The following TUBGCP5 variants were observed in gnomAD, a reference collection of about 807,000 sequenced individuals.
TUBGCP5 encodes gamma-tubulin complex component 5.
Under a neutral mutation model 134.7 loss-of-function variants are expected in TUBGCP5, and 98 were observed. That is an observed-to-expected ratio of 0.73 (90% CI 0.62 to 0.86). TUBGCP5 has a LOEUF of 0.86. Ranked by LOEUF, TUBGCP5 falls within the 40% of genes least tolerant of loss-of-function variation. The pLI, the probability that TUBGCP5 is intolerant of heterozygous loss-of-function variation, is 0.00. For synonymous variants in TUBGCP5, 456 were observed against 431.4 expected (o/e 1.06, Z -0.71); for missense variants, 1,150 against 1,244.8 (o/e 0.92, Z 1.15).
chr15:23,026,003 G>A (rs2065961416), intron 8 of TUBGCP5, 113 bp downstream of exon 8: 2 of 744,122 alleles, frequency 2.7e-6, no homozygotes, highest in Admixed American at 3.1e-5. Context: ...CACACCTAAT[G>A]GACCTTTTCT....
intron 19 of TUBGCP5, 37 bp from the exon 20 acceptor site, chr15:23,004,264 T>G: frequency 6.2e-7 from 1 of 1,600,320 alleles, no homozygotes; most frequent in South Asian, 1.1e-5. Context: ...ATCAGCAGCC[T>G]TCTTTGAGGA....
intron 3 of TUBGCP5, among the ~76,000 whole-genome samples, 153 bp downstream of exon 3, chr15:23,036,744 T>C (rs773468606): frequency 3.3e-5 from 5 of 152,210 alleles, no homozygotes; most frequent in African/African-American, 4.8e-5. Flanking sequence ...CATATCTGGT[T>C]TGATGGCAAT....
In TUBGCP5 at chr15:23,019,243, C is replaced by T. The variant is rs750978091; in HGVS notation, c.1463G>A (p.Gly488Asp). Residue 488 changes from glycine (G) to aspartate (D), a missense_variant, in exon 12 of 23, where the codon GGC becomes GAC. Around this residue, in one of 2 missense-constraint regions of TUBGCP5, gnomAD observed 697 missense variants for 850.1 expected, o/e 0.82. Coordinates refer to ENST00000615383, the MANE Select transcript of TUBGCP5 (RefSeq NM_052903.6). The part of the protein sequence containing the change: ...EWIVHGHLWD[G>D]AREFIIQRNK... ...CCTCTGGATGATGAACTCCCTGGCGCCATCCCACAGGTGCCCGTGCACGAT... is the reference window on the plus strand; with the variant it reads ...CCTCTGGATGATGAACTCCCTGGCGTCATCCCACAGGTGCCCGTGCACGAT... 6.2e-7 allele frequency: 1 copy of T among 1,613,842 alleles called. No homozygotes were observed. Among genetic ancestry groups the T allele is most frequent in the Non-Finnish European group, 8.5e-7 (1 of 1,179,844 alleles).
At chr15:23,020,021 G>A (rs1180317049) in intron 11 of TUBGCP5, among the ~76,000 whole-genome samples, 1 of 152,070 alleles carries the variant, frequency 6.6e-6, no homozygotes, top group Non-Finnish European at 1.5e-5. Flanking sequence ...GCTCACGCCT[G>A]TAACCCCAGC....
chr15:23,024,066 G>C lies in TUBGCP5; in HGVS notation c.1049C>G (p.Pro350Arg). The C allele has an allele frequency of 6.2e-7, 1 of 1,614,130 alleles. No homozygotes were observed. Among genetic ancestry groups the C allele is most frequent in the Non-Finnish European group, 8.5e-7 (1 of 1,180,004 alleles). Residue 350 changes from proline to arginine, a missense_variant, in exon 10 of 23, where the codon CCT becomes CGT. Coordinates refer to ENST00000615383, the MANE Select transcript of TUBGCP5 (RefSeq NM_052903.6). Reference protein sequence around the residue: ...ESMLPGSGSVPKKSTEAPFRT... With the variant: ...ESMLPGSGSVRKKSTEAPFRT... Reference sequence around the variant, plus strand: ...AAAGGGAGCTTCAGTTGACTTCTTAGGAACAGACCCACTTCCAGGCAGCAT... The same window carrying C: ...AAAGGGAGCTTCAGTTGACTTCTTACGAACAGACCCACTTCCAGGCAGCAT...
chr15:23,028,922 A>C (rs1262832396), intron 6 of TUBGCP5, among the ~76,000 whole-genome samples: 2 of 152,212 alleles, frequency 1.3e-5, no homozygotes, highest in East Asian at 1.9e-4. Context: ...ATGAATCAAC[A>C]AACTATTATG....
At chr15:23,028,523 A>C (rs536853966) in intron 6 of TUBGCP5, among the ~76,000 whole-genome samples, 1 of 152,316 alleles carries the variant, frequency 6.6e-6, no homozygotes, top group East Asian at 1.9e-4. Flanking sequence ...ATTAGGATAA[A>C]AGAGAAAAGT....
intron 13 of TUBGCP5, among the ~76,000 whole-genome samples, chr15:23,017,351 T>G (rs772195365): frequency 3.9e-5 from 6 of 152,048 alleles, no homozygotes; most frequent in Non-Finnish European, 7.4e-5. Context: ...AAGTAGTAAA[T>G]GTTTGAGATG....
Position 23,016,969 on chromosome 15 carries a change from G to GAGATATATATATAT in TUBGCP5, c.1756+803_1756+804insATATATATATATCT, listed in dbSNP as rs1555439437. ...AGATGAATGGGTAAAAAAATTGTGA[G>GAGATATATATATAT]ATATATATATATATATATGTATATA... On this transcript the variant is annotated intron_variant, in intron 13 of 22. Transcript: ENST00000615383. 5.5e-5 allele frequency among the ~76,000 whole-genome samples: 6 copies of GAGATATATATATAT among 109,396 alleles called. 1 individual carries two copies. The highest frequency in any genetic ancestry group is 1.4e-4 in the African/African-American group (4 of 27,752). The allele number at this position is 109,396 out of a possible 152,430, so 71.8% of individuals were successfully genotyped here. A position where few individuals can be genotyped will look rare whatever the true frequency, so the allele number is the denominator to read the frequency against.
At position 23,003,191 on chromosome 15, in the gene TUBGCP5, A is replaced by T. The variant is rs1439672627; in HGVS notation, c.2839-38T>A. ...GTCACAGAACACAAACTGTGTAACT[A>T]GGTTTGGACACTGATACCAACACTT... is the stretch of plus-strand genomic sequence containing the variant. On this transcript the variant is annotated intron_variant, in intron 20 of 22. Coordinates refer to ENST00000615383, the MANE Select transcript of TUBGCP5 (RefSeq NM_052903.6). 5.7e-6 allele frequency: 9 copies of T among 1,585,456 alleles called. No individual in the cohort carries two copies. The Middle Eastern group carries it at 5.0e-4, about 88-fold the overall frequency.
At chr15:23,016,285 G>T (rs1162521432) in intron 13 of TUBGCP5, among the ~76,000 whole-genome samples, 1 of 152,180 alleles carries the variant, frequency 6.6e-6, no homozygotes, top group Non-Finnish European at 1.5e-5. Context: ...TTGAGGTCAG[G>T]AGTTCGAGAT....
intron 16 of TUBGCP5, among the ~76,000 whole-genome samples, chr15:23,007,058 T>A (rs1191077853): frequency 6.6e-6 from 1 of 152,156 alleles, no homozygotes; most frequent in African/African-American, 2.4e-5. Flanking sequence ...ATCAGAGATG[T>A]CACAGGGCAG....
chr15:22,991,149 G>C (rs1012661404), intron 23 of TUBGCP5, among the ~76,000 whole-genome samples: 18 of 151,466 alleles, frequency 1.2e-4, no homozygotes, highest in Non-Finnish European at 1.5e-5. Context: ...CCAGGCTGGA[G>C]TGCAGTGGCG....
At chr15:22,990,730 GAA>G (rs1471478388) in intron 23 of TUBGCP5, among the ~76,000 whole-genome samples, 1 of 152,126 alleles carries the variant, frequency 6.6e-6, no homozygotes, top group Non-Finnish European at 1.5e-5. Context: ...CTTATGTGAA[GAA>G]AAAGAGTCTT....
At chr15:23,033,383 A>T (rs565980078) in intron 3 of TUBGCP5, among the ~76,000 whole-genome samples, 2 of 151,886 alleles carry the variant, frequency 1.3e-5, no homozygotes, top group South Asian at 4.2e-4. Context: ...GGTTCAAGTG[A>T]TTCTCCTGTC....
At chr15:23,015,389 C>A (rs2065253476) in intron 13 of TUBGCP5, among the ~76,000 whole-genome samples, 1 of 149,530 alleles carries the variant, frequency 6.7e-6, no homozygotes, top group Non-Finnish European at 1.5e-5. Flanking sequence ...CGCCTGCAAT[C>A]CCAATACTTT....
In TUBGCP5 at chr15:23,026,690, T is replaced by C. The variant is rs189273175; in HGVS notation, c.738-485A>G. The stretch of plus-strand genomic sequence containing the variant: ...GCTCACGCCTGTAATTCCAGCACTT[T>C]GGGAGGCCGAGGCAGGTGGATCACT... On this transcript the variant is annotated intron_variant, in intron 7 of 22. Transcript: ENST00000615383. 2.0e-5 allele frequency among the ~76,000 whole-genome samples: 3 copies of C among 152,256 alleles called. No individual in the cohort carries two copies. The East Asian group carries it at 5.8e-4, about 29-fold the overall frequency.
rs118137061 is a variant in TUBGCP5 at position 23,026,136 on chromosome 15, C to T, written c.807G>A (p.Gln269=). Residue 269 remains glutamine, a synonymous_variant, in exon 8 of 23, where the codon CAG becomes CAA. Transcript: ENST00000615383. The stretch of plus-strand genomic sequence containing the variant: ...CTTACCATAGGGTTTCCCGAATAAC[C>T]TGAGTCTCAGTAACCAAAACCCTGT... ...PDDRVLVTET[Q]VIRETLWLLS... 0.019 allele frequency: 30,996 copies of T among 1,609,266 alleles called. 466 individuals carry two copies. Among genetic ancestry groups the T allele is most frequent in the Middle Eastern group, 0.049 (296 of 6,042 alleles).
chr15:22,999,556 A>C lies in TUBGCP5; in HGVS notation c.*264T>G, dbSNP rs548126431. 2.9e-5 allele frequency: 13 copies of C among 452,212 alleles called. No individual in the cohort carries two copies. In the South Asian group the frequency reaches 3.1e-4, roughly 11 times the overall value. The allele number at this position is 452,212 out of a possible 1,614,324, so 28.0% of individuals were successfully genotyped here. A position where few individuals can be genotyped will look rare whatever the true frequency, so the allele number is the denominator to read the frequency against. ...GCTGGGACTACAGGTACACACCACC[A>C]TGTCTGGATACATTTTGTATTTTTG... On this transcript the variant is annotated 3_prime_UTR_variant, in exon 23 of 23. Transcript: ENST00000615383.
Sources: allele counts gnomAD v4.1 joint callset (sites outside exome capture counted in the v4.1 genomes callset), GRCh38; gene constraint gnomAD v4.1.1; regional missense constraint gnomAD v4.1.1; transcripts MANE v1.5; gene names NCBI Gene and HGNC (gene_info 2026-07-23, HGNC 2026-07-21).